Variants in SYN3 observed in about 807,000 individuals in gnomAD.
The protein encoded by SYN3 is synapsin III.
SYN3 carries 35 observed loss-of-function variants against 65.8 expected under a neutral mutation model. The observed-to-expected ratio is 0.53, with a 90% CI of 0.41 to 0.70. The LOEUF is 0.70. Ranked by LOEUF, SYN3 falls within the 30% of genes least tolerant of loss-of-function variation. The probability of loss-of-function intolerance (pLI) is 0.00; values close to 1 mark genes in which losing one functional copy is unlikely to be tolerated. For synonymous variants in SYN3, 270 were observed against 292.9 expected, an observed-to-expected ratio of 0.92 and a Z score of 0.80; for missense variants, 680 against 749.0, an observed-to-expected ratio of 0.91 and a Z score of 1.08.
At chr22:33,017,577 T>C (rs1433043145) in intron 1 of SYN3, among the ~76,000 whole-genome samples, 7 of 152,230 alleles carry the variant, frequency 4.6e-5, no homozygotes, top group Admixed American at 4.6e-4. Context: ...AGTAAGAAGG[T>C]CTTTCACCTC....
intron 6 of SYN3, among the ~76,000 whole-genome samples, chr22:32,682,603 C>T (rs1301027399): frequency 6.6e-6 from 1 of 152,150 alleles, no homozygotes; most frequent in Non-Finnish European, 1.5e-5. Flanking sequence ...TCTCTTTAGA[C>T]CCCATCTGAT....
chr22:33,018,199 C>T (rs1187792507), intron 1 of SYN3, among the ~76,000 whole-genome samples: 2 of 152,194 alleles, frequency 1.3e-5, no homozygotes, highest in Non-Finnish European at 2.9e-5. Context: ...TTTTGGTCCA[C>T]AGATGTGAAA....
intron 6 of SYN3, among the ~76,000 whole-genome samples, chr22:32,738,294 G>C: frequency 6.6e-6 from 1 of 152,210 alleles, no homozygotes; most frequent in Non-Finnish European, 1.5e-5. Flanking sequence ...GATAACACCT[G>C]CAGAGGCACA....
chr22:32,632,041 T>C (rs2059754095), intron 6 of SYN3, among the ~76,000 whole-genome samples: 1 of 152,210 alleles, frequency 6.6e-6, no homozygotes, highest in Admixed American at 6.5e-5. Flanking sequence ...GGAGGGATGC[T>C]GAAGGGGAAG....
chr22:32,605,479 T>C (rs1248292897), intron 6 of SYN3, among the ~76,000 whole-genome samples: 3 of 152,196 alleles, frequency 2.0e-5, no homozygotes, highest in Admixed American at 1.3e-4. Flanking sequence ...GCCCTTAGTG[T>C]GTACCAGGCA....
chr22:32,847,284 G>A lies in SYN3; in HGVS notation c.711+17631C>T, dbSNP rs568198344. Among the ~76,000 whole-genome samples, 33 of 152,268 alleles carry A rather than the reference G, an allele frequency of 2.2e-4. No individual in the cohort carries two copies. In the East Asian group the frequency reaches 6.0e-3, roughly 28 times the overall value. ...GCCTCCGGGAGGCTGGCTTGTCGCC[G>A]AGAATACTACCGCAATGTTAGAAAC... On this transcript the variant is annotated intron_variant, in intron 6 of 13. Coordinates refer to ENST00000358763, the MANE Select transcript of SYN3 (RefSeq NM_003490.4).
rs566919922 is a variant in SYN3, at chr22:32,623,447, C to T, written c.712-26711G>A. Among the ~76,000 whole-genome samples, 10 of 152,284 alleles carry T rather than the reference C, an allele frequency of 6.6e-5. No homozygotes were observed. In the East Asian group the frequency reaches 7.7e-4, roughly 12 times the overall value. ...CTGAGCTCAAGTGATCCTCCCATCTCGGCCTCCCAAAGCACTGGGATTACA... is the reference window on the plus strand; with the variant it reads ...CTGAGCTCAAGTGATCCTCCCATCTTGGCCTCCCAAAGCACTGGGATTACA... On this transcript the variant is annotated intron_variant, in intron 6 of 13. Coordinates refer to ENST00000358763, the MANE Select transcript of SYN3 (RefSeq NM_003490.4).
At position 32,965,912 on chromosome 22, in the gene SYN3, T is replaced by C. The variant is rs181102636; in HGVS notation, c.369+14733A>G. On this transcript the variant is annotated intron_variant, in intron 3 of 13. Coordinates refer to ENST00000358763, the MANE Select transcript of SYN3 (RefSeq NM_003490.4). ...GGTTTCGCTGTGTTAGCCAAGGTGGTCTCGATCTCCTGACCTTGTGATCTG... is the reference window on the plus strand; with the variant it reads ...GGTTTCGCTGTGTTAGCCAAGGTGGCCTCGATCTCCTGACCTTGTGATCTG... Among the ~76,000 whole-genome samples, 49 of 152,274 alleles carry C rather than the reference T, an allele frequency of 3.2e-4. No individual in the cohort carries two copies. In the East Asian group the frequency reaches 8.1e-3, roughly 25 times the overall value.
chr22:32,558,969 C>A lies in SYN3; in HGVS notation c.775-17256G>T, dbSNP rs560796155. 9.2e-5 allele frequency among the ~76,000 whole-genome samples: 14 copies of A among 152,370 alleles called. No homozygotes were observed. The East Asian group carries it at 2.7e-3, about 29-fold the overall frequency. ...TCAGCCTGTGAATAAATAATGATGA[C>A]AGTGATTGTAATAACAAAAATGATG... On this transcript the variant is annotated intron_variant, in intron 7 of 13. Transcript: ENST00000358763.
intron 6 of SYN3, among the ~76,000 whole-genome samples, chr22:32,673,473 C>T (rs1325444209): frequency 1.3e-5 from 2 of 152,068 alleles, no homozygotes; most frequent in Non-Finnish European, 2.9e-5. Context: ...GTTTCAGGCA[C>T]AATAAACAAA....
At chr22:33,008,833 G>A (rs1018193144) in intron 1 of SYN3, among the ~76,000 whole-genome samples, 9 of 149,274 alleles carry the variant, frequency 6.0e-5, no homozygotes, top group Admixed American at 4.8e-4. Flanking sequence ...GCTGAGGCAC[G>A]AGAATCGCTT....
intron 4 of SYN3, among the ~76,000 whole-genome samples, chr22:32,889,485 A>G (rs1211919431): frequency 6.6e-6 from 1 of 152,226 alleles, no homozygotes; most frequent in African/African-American, 2.4e-5. Context: ...GTGCTTATTT[A>G]AAGAAAATAA....
chr22:33,010,249 C>T (rs1277780271), intron 1 of SYN3, among the ~76,000 whole-genome samples: 13 of 149,140 alleles, frequency 8.7e-5, no homozygotes, highest in Non-Finnish European at 1.6e-4. Context: ...AAAAAAAAAT[C>T]TGCCAACCCC....
In SYN3 at chr22:32,531,923, T is replaced by TTA. The variant is rs1555890150; in HGVS notation, c.1095+1869_1095+1870insTA. Among the ~76,000 whole-genome samples, 16 of 151,776 alleles carry TTA rather than the reference T, an allele frequency of 1.1e-4. No individual in the cohort carries two copies. In the East Asian group the frequency reaches 2.7e-3, roughly 26 times the overall value. The stretch of plus-strand genomic sequence containing the variant: ...ACTTTTACTTTTTTTTTTTTTTTTT[T>TTA]AATGTGAAAGGTCTTTCATCCCCAA... On this transcript the variant is annotated intron_variant, in intron 10 of 13. Transcript: ENST00000358763.
chr22:32,645,892 G>C (rs1276995075), intron 6 of SYN3, among the ~76,000 whole-genome samples: 1 of 136,966 alleles, frequency 7.3e-6, no homozygotes, highest in South Asian at 2.7e-4. Context: ...CACAAAAGGG[G>C]ATATTTTGGG....
At chr22:32,839,700 C>T (rs946091851) in intron 6 of SYN3, among the ~76,000 whole-genome samples, 1 of 152,132 alleles carries the variant, frequency 6.6e-6, no homozygotes, top group East Asian at 1.9e-4. Flanking sequence ...CAGGCATATA[C>T]CTAGAAGGAG....
chr22:32,591,969 G>A (rs739104), intron 7 of SYN3, among the ~76,000 whole-genome samples: 9,139 of 152,178 alleles, frequency 0.06, 335 homozygotes, highest in Non-Finnish European at 0.08. Flanking sequence ...CCATTATCAC[G>A]GAATGTTCAA....
chr22:32,790,806 G>A (rs1310763673), intron 6 of SYN3, among the ~76,000 whole-genome samples: 2 of 152,156 alleles, frequency 1.3e-5, no homozygotes. Context: ...ACAAGCCAGG[G>A]TGAGCCAGCT....
intron 4 of SYN3, among the ~76,000 whole-genome samples, chr22:32,890,072 CTTT>C (rs5845051): frequency 2.6e-4 from 15 of 58,280 alleles, no homozygotes; most frequent in African/African-American, 8.2e-4. Context: ...GATTTAGCTG[CTTT>C]TTTTTTTTTT....
Sources: gnomAD v4.1 joint callset for allele counts (sites outside exome capture counted in the v4.1 genomes callset) on GRCh38, gnomAD v4.1.1 for gene constraint, MANE v1.5 for transcripts, NCBI Gene and HGNC (gene_info 2026-07-23, HGNC 2026-07-21) for gene names.